The following RPRD2 variants were observed in gnomAD, a reference collection of about 807,000 sequenced individuals.
RPRD2 encodes regulation of nuclear pre-mRNA domain-containing protein 2.
Under a neutral mutation model 104.4 loss-of-function variants are expected in RPRD2, and 12 were observed. The ratio of observed to expected loss-of-function variants is 0.11; its 90% confidence interval spans 0.07 to 0.19. The LOEUF is 0.19. Ranked by LOEUF, RPRD2 falls within the 10% of genes least tolerant of loss-of-function variation. The pLI, the probability that RPRD2 is intolerant of heterozygous loss-of-function variation, is 1.00. For missense variants in RPRD2, 1,543 were observed against 1,790.1 expected (o/e 0.86, Z 2.49); for synonymous variants, 714 against 684.9 (o/e 1.04, Z -0.66).
chr1:150,398,497 A>G (rs1360018078), intron 1 of RPRD2, among the ~76,000 whole-genome samples: 1 of 149,022 alleles, frequency 6.7e-6, no homozygotes, highest in Non-Finnish European at 1.5e-5. Flanking sequence ...TGCCTGGCCT[A>G]TTTTATTTTA....
Position 150,474,764 on chromosome 1 carries a change from A to C in RPRD2, c.*1430A>C, listed in dbSNP as rs1189423719. ...TAATCTCCAGCTAGATGAGTAAAAC[A>C]GTATGTGTTTAGTTTTCCAGAGAAT... is the stretch of plus-strand genomic sequence containing the variant. On this transcript the variant is annotated 3_prime_UTR_variant, in exon 11 of 11. Coordinates refer to ENST00000369068, the MANE Select transcript of RPRD2 (RefSeq NM_015203.5). The C allele has an allele frequency of 6.6e-6, 1 of 152,174 alleles. No homozygotes were observed. Among genetic ancestry groups the C allele is most frequent in the African/African-American group, 2.4e-5 (1 of 41,424 alleles). The allele number at this position is 152,174 out of a possible 1,614,324, so 9.4% of individuals were successfully genotyped here.
At position 150,472,349 on chromosome 1, in the gene RPRD2, C is replaced by G; in HGVS notation, c.3401C>G (p.Ser1134Ter). The G allele has an allele frequency of 6.2e-7, 1 of 1,613,984 alleles. No individual in the cohort carries two copies. The change falls in exon 11 of 11, where the codon TCA becomes TGA. Residue 1134 changes from serine to a stop codon, truncating the protein, a stop_gained. Coordinates refer to ENST00000369068, the MANE Select transcript of RPRD2 (RefSeq NM_015203.5). LOFTEE classifies it high-confidence loss of function. ...GTGGGTTGGTTTGATCTGAGCACAT[C>G]AGGTAGCTCTTTTGACAATGGCCCT... ...SRVGWFDLSTSGSSFDNGPSS... is the reference protein window; with the variant it reads ...SRVGWFDLST
intron 7 of RPRD2, among the ~76,000 whole-genome samples, chr1:150,447,475 C>T (rs937783950): frequency 1.3e-5 from 2 of 151,638 alleles, no homozygotes; most frequent in Non-Finnish European, 2.9e-5. Context: ...GCTGGGATTA[C>T]AGGCATGTGC....
chr1:150,414,045 A>G (rs1300894670), intron 1 of RPRD2, among the ~76,000 whole-genome samples: 1 of 152,110 alleles, frequency 6.6e-6, no homozygotes, highest in Non-Finnish European at 1.5e-5. Flanking sequence ...GTGAGCCAAG[A>G]TTGTGACTGC....
chr1:150,452,900 C>G (rs187799739), intron 7 of RPRD2, among the ~76,000 whole-genome samples: 2 of 152,022 alleles, frequency 1.3e-5, no homozygotes, highest in African/African-American at 4.8e-5. Context: ...AAACTCCTGA[C>G]CTCAGGTGAT....
intron 1 of RPRD2, among the ~76,000 whole-genome samples, chr1:150,396,745 C>G (rs140210458): frequency 6.6e-6 from 1 of 152,080 alleles, no homozygotes; most frequent in African/African-American, 2.4e-5. Context: ...CAATGCAACA[C>G]TAAGCAAAAC....
At chr1:150,413,727 A>G (rs1664112113) in intron 1 of RPRD2, among the ~76,000 whole-genome samples, 1 of 152,024 alleles carries the variant, frequency 6.6e-6, no homozygotes, top group South Asian at 2.1e-4. Flanking sequence ...GGAGCTCAAG[A>G]CCAGCCTGAC....
intron 2 of RPRD2, among the ~76,000 whole-genome samples, chr1:150,431,417 G>C (rs1430682452): frequency 1.3e-5 from 2 of 148,578 alleles, no homozygotes; most frequent in African/African-American, 5.0e-5. Flanking sequence ...TGGATGAATG[G>C]ATAAACAGTG....
At chr1:150,421,365 A>G (rs1273195292) in intron 2 of RPRD2, among the ~76,000 whole-genome samples, 1 of 152,252 alleles carries the variant, frequency 6.6e-6, no homozygotes, top group African/African-American at 2.4e-5. Flanking sequence ...ATATTAAAGA[A>G]GATCTGGATA....
At chr1:150,372,594 C>T (rs1280631084) in intron 1 of RPRD2, among the ~76,000 whole-genome samples, 2 of 151,506 alleles carry the variant, frequency 1.3e-5, no homozygotes, top group African/African-American at 4.8e-5. Flanking sequence ...TAATAGAAGG[C>T]GATAAATGCT....
chr1:150,369,880 A>C (rs1660171080), intron 1 of RPRD2, among the ~76,000 whole-genome samples: 1 of 151,872 alleles, frequency 6.6e-6, no homozygotes, highest in Admixed American at 6.6e-5. Flanking sequence ...TCCCGGGCTC[A>C]AGTGATTTTC....
chr1:150,365,982 T>A (rs1473739146), intron 1 of RPRD2, among the ~76,000 whole-genome samples: 2 of 152,234 alleles, frequency 1.3e-5, no homozygotes, highest in Non-Finnish European at 2.9e-5. Flanking sequence ...TTTGAATATG[T>A]AGTACCTTTT....
intron 10 of RPRD2, among the ~76,000 whole-genome samples, chr1:150,469,681 T>C (rs1668487224): frequency 6.6e-6 from 1 of 152,228 alleles, no homozygotes. Context: ...TAAAAAATTT[T>C]CTACAGGAGC....
At chr1:150,384,465 T>C (rs990290194) in intron 1 of RPRD2, among the ~76,000 whole-genome samples, 144 of 133,538 alleles carry the variant, frequency 1.1e-3, no homozygotes, top group South Asian at 4.9e-3. Flanking sequence ...TTATTATTAT[T>C]ATTATTATTA....
At chr1:150,397,771 G>A (rs1662641321) in intron 1 of RPRD2, among the ~76,000 whole-genome samples, 1 of 152,114 alleles carries the variant, frequency 6.6e-6, no homozygotes, top group African/African-American at 2.4e-5. Flanking sequence ...TATTGAGACA[G>A]AGTCTTGCTC....
chr1:150,450,042 A>T (rs369757795), intron 7 of RPRD2, among the ~76,000 whole-genome samples: 1 of 152,266 alleles, frequency 6.6e-6, no homozygotes, highest in South Asian at 2.1e-4. Flanking sequence ...AATCTTATCT[A>T]TGATTAAACC....
At chr1:150,454,834 C>T (rs962487877) in intron 7 of RPRD2, among the ~76,000 whole-genome samples, 4 of 151,906 alleles carry the variant, frequency 2.6e-5, no homozygotes, top group South Asian at 4.1e-4. Flanking sequence ...GGTGATAGAA[C>T]GAGACCCTGT....
At chr1:150,448,726 C>G (rs1230848500) in intron 7 of RPRD2, among the ~76,000 whole-genome samples, 1 of 152,146 alleles carries the variant, frequency 6.6e-6, no homozygotes, top group Non-Finnish European at 1.5e-5. Context: ...ATCACACCAG[C>G]TATTCTGAAT....
chr1:150,432,190 A>AG (rs1212197647), intron 2 of RPRD2, among the ~76,000 whole-genome samples: 44 of 150,746 alleles, frequency 2.9e-4, no homozygotes, highest in African/African-American at 6.3e-4. Flanking sequence ...AAAAAAAAAA[A>AG]AAGAAAGAAA....
Sources: allele counts gnomAD v4.1 joint callset (sites outside exome capture counted in the v4.1 genomes callset), GRCh38; gene constraint gnomAD v4.1.1; transcripts MANE v1.5; gene names NCBI Gene and HGNC (gene_info 2026-07-23, HGNC 2026-07-21).